PPARGC1A: variants seen among roughly 807,000 people sequenced by gnomAD.
PPARGC1A encodes the protein peroxisome proliferator-activated receptor gamma coactivator 1-alpha.
PPARGC1A carries 25 observed loss-of-function variants against 88.7 expected under a neutral mutation model. The ratio of observed to expected loss-of-function variants is 0.28; its 90% CI spans 0.21 to 0.39. The LOEUF is 0.39. Ranked by LOEUF, PPARGC1A falls within the 10% of genes least tolerant of loss-of-function variation. The pLI is 1.00. For missense variants in PPARGC1A, 880 were observed against 968.7 expected (o/e 0.91, Z 1.22); for synonymous variants, 363 against 355.6 (o/e 1.02, Z -0.24).
chr4:24,432,488 A>G, the PPARGC1A span, among the ~76,000 whole-genome samples: 6 of 152,204 alleles, frequency 3.9e-5, no homozygotes, highest in Non-Finnish European at 7.3e-5. Context: ...CTGACTTCAT[A>G]TGGTGTCAAT....
At chr4:24,413,834 G>C in the PPARGC1A span, among the ~76,000 whole-genome samples, 1 of 152,292 alleles carries the variant, frequency 6.6e-6, no homozygotes, top group South Asian at 2.1e-4. Flanking sequence ...ATGATAATGA[G>C]AGGCCAGTCA....
the PPARGC1A span, among the ~76,000 whole-genome samples, chr4:23,984,047 ATGTG>A: frequency 1.3e-5 from 2 of 152,100 alleles, no homozygotes; most frequent in East Asian, 3.9e-4. Context: ...CAATTTATGT[ATGTG>A]TATTTTTCTT....
At chr4:24,270,306 CCTCTCTCTCTCTCTCTCTCT>C in the PPARGC1A span, among the ~76,000 whole-genome samples, 11 of 147,470 alleles carry the variant, frequency 7.5e-5, no homozygotes, top group Admixed American at 4.0e-4. Context: ...AATAAATCAA[CCTCTCTCTCTCTCTCTCTCT>C]CTCTCTCTGT....
the PPARGC1A span, among the ~76,000 whole-genome samples, chr4:24,158,840 T>C: frequency 6.6e-6 from 1 of 152,220 alleles, no homozygotes; most frequent in Non-Finnish European, 1.5e-5. Flanking sequence ...AGTAATTTGT[T>C]AATTTATTGC....
chr4:24,317,486 G>A, the PPARGC1A span, among the ~76,000 whole-genome samples: 2 of 141,546 alleles, frequency 1.4e-5, no homozygotes, highest in Admixed American at 1.5e-4. Context: ...CGGGGATTGG[G>A]ATGAAAGAAT....
At chr4:24,147,829 A>G in the PPARGC1A span, among the ~76,000 whole-genome samples, 37,003 of 152,168 alleles carry the variant, frequency 0.24, 8,530 homozygotes, top group African/African-American at 0.61. Flanking sequence ...CTGTAGTCCC[A>G]GCTACATGGG....
At chr4:24,066,857 T>TTG in the PPARGC1A span, among the ~76,000 whole-genome samples, 2 of 83,956 alleles carry the variant, frequency 2.4e-5, no homozygotes, top group African/African-American at 7.5e-5. Context: ...GGGTTTTTTT[T>TTG]TTTTTTTTTT....
the PPARGC1A span, among the ~76,000 whole-genome samples, chr4:24,452,814 C>A: frequency 1.3e-5 from 2 of 152,132 alleles, no homozygotes; most frequent in Non-Finnish European, 2.9e-5. Context: ...TTAACATCCC[C>A]AACAAAGGGC....
the PPARGC1A span, among the ~76,000 whole-genome samples, chr4:24,087,248 G>A: frequency 2.0e-5 from 3 of 152,266 alleles, no homozygotes; most frequent in South Asian, 2.1e-4. Flanking sequence ...ATGTAAAATC[G>A]AAGGCTTAGG....
At chr4:24,084,893 C>T in the PPARGC1A span, among the ~76,000 whole-genome samples, 4,196 of 152,182 alleles carry the variant, frequency 0.028, 184 homozygotes, top group African/African-American at 0.094. Flanking sequence ...TATTTCAGTT[C>T]TTCTATGGCG....
At chr4:24,105,725 G>C in the PPARGC1A span, among the ~76,000 whole-genome samples, 1 of 152,212 alleles carries the variant, frequency 6.6e-6, no homozygotes, top group Admixed American at 6.5e-5. Context: ...TAAAGGAAGA[G>C]AGGCTTGAAA....
chr4:24,324,784 C>T, the PPARGC1A span, among the ~76,000 whole-genome samples: 3 of 152,110 alleles, frequency 2.0e-5, no homozygotes, highest in Admixed American at 6.6e-5. Context: ...CAGTGAAACT[C>T]GTCCCAAATC....
At chr4:24,030,575 C>T in the PPARGC1A span, among the ~76,000 whole-genome samples, 176 of 152,278 alleles carry the variant, frequency 1.2e-3, no homozygotes, top group Non-Finnish European at 2.2e-3. Flanking sequence ...GTTACTGTTC[C>T]CATTATTTCC....
chr4:24,327,958 C>T, the PPARGC1A span, among the ~76,000 whole-genome samples: 11 of 152,110 alleles, frequency 7.2e-5, no homozygotes, highest in Non-Finnish European at 1.3e-4. Context: ...GTGATTAACC[C>T]CATGAATTTC....
the PPARGC1A span, among the ~76,000 whole-genome samples, chr4:23,935,230 T>C: frequency 6.6e-6 from 1 of 152,210 alleles, no homozygotes; most frequent in Admixed American, 6.5e-5. Flanking sequence ...AAGAAAAGAT[T>C]ATGCCTGCTC....
chr4:24,436,886 C>T, the PPARGC1A span, among the ~76,000 whole-genome samples: 29 of 152,002 alleles, frequency 1.9e-4, no homozygotes, highest in Non-Finnish European at 3.2e-4. Context: ...CTATTGGCCA[C>T]CCCAGAGCCC....
the PPARGC1A span, among the ~76,000 whole-genome samples, chr4:23,963,907 T>C: frequency 5.2e-4 from 79 of 152,072 alleles, 1 homozygote; most frequent in South Asian, 0.015. Flanking sequence ...TTCAAATGAG[T>C]CTTCCTGATA....
the PPARGC1A span, among the ~76,000 whole-genome samples, chr4:24,152,379 C>A: frequency 0.86 from 130,793 of 152,192 alleles, 56,691 homozygotes; most frequent in African/African-American, 0.96. Context: ...GTGAATGATC[C>A]TGGGACACCA....
chr4:24,339,265 C>CAT, the PPARGC1A span, among the ~76,000 whole-genome samples: 21 of 148,908 alleles, frequency 1.4e-4, no homozygotes, highest in Admixed American at 6.0e-4. Flanking sequence ...CACACACACA[C>CAT]ATCAGAATTC....
Sources: gnomAD v4.1 joint callset for allele counts (sites outside exome capture counted in the v4.1 genomes callset) on GRCh38, gnomAD v4.1.1 for gene constraint, MANE v1.5 for transcripts, NCBI Gene and HGNC (gene_info 2026-07-23, HGNC 2026-07-21) for gene names.